GRIA4: variants seen among roughly 807,000 people sequenced by gnomAD.
GRIA4 encodes the protein glutamate ionotropic receptor AMPA type subunit 4.
In GRIA4, 34 loss-of-function variants were observed where a neutral mutation model predicts 104.0. The ratio of observed to expected loss-of-function variants is 0.33; its 90% CI spans 0.25 to 0.44. The LOEUF (loss-of-function observed/expected upper bound fraction) is 0.44. Ranked by LOEUF, GRIA4 falls within the 20% of genes least tolerant of loss-of-function variation. The pLI is 1.00. For synonymous variants in GRIA4, 386 were observed against 381.9 expected (o/e 1.01, Z -0.13); for missense variants, 750 against 1,096.5 (o/e 0.68, Z 4.46).
At chr11:105,862,945 T>C (rs1945280360) in intron 5 of GRIA4, among the ~76,000 whole-genome samples, 1 of 152,212 alleles carries the variant, frequency 6.6e-6, no homozygotes, top group Non-Finnish European at 1.5e-5. Flanking sequence ...AAAGGCTCTT[T>C]GGCCAAAATT....
chr11:105,723,299 A>C (rs1937958973), intron 3 of GRIA4, among the ~76,000 whole-genome samples: 1 of 152,174 alleles, frequency 6.6e-6, no homozygotes, highest in Non-Finnish European at 1.5e-5. Flanking sequence ...AATGGTCCAG[A>C]GATTGAGCAT....
At chr11:105,687,229 G>A (rs980463893) in intron 3 of GRIA4, among the ~76,000 whole-genome samples, 7 of 152,152 alleles carry the variant, frequency 4.6e-5, no homozygotes, top group African/African-American at 1.4e-4. Context: ...TAACACATGA[G>A]TTGCTCTCCT....
intron 4 of GRIA4, among the ~76,000 whole-genome samples, chr11:105,829,094 T>TATACACACACACACACACACAC (rs1555019401): frequency 6.6e-6 from 1 of 151,026 alleles, no homozygotes; most frequent in African/African-American, 2.4e-5. Context: ...CAGTGATGTA[T>TATACACACACACACACACACAC]ACACACACAC....
At chr11:105,641,239 T>C (rs1951350269) in intron 3 of GRIA4, among the ~76,000 whole-genome samples, 1 of 152,118 alleles carries the variant, frequency 6.6e-6, no homozygotes, top group Non-Finnish European at 1.5e-5. Flanking sequence ...TCTGAAATTA[T>C]CAACTATATT....
intron 14 of GRIA4, among the ~76,000 whole-genome samples, chr11:105,955,603 G>A (rs1948567707): frequency 6.6e-6 from 1 of 152,102 alleles, no homozygotes; most frequent in Non-Finnish European, 1.5e-5. Flanking sequence ...TGTCTTTATA[G>A]TAAAATGATT....
chr11:105,679,709 C>T (rs1163347738), intron 3 of GRIA4, among the ~76,000 whole-genome samples: 1 of 152,030 alleles, frequency 6.6e-6, no homozygotes, highest in Non-Finnish European at 1.5e-5. Flanking sequence ...AATATATATA[C>T]ACACACACGA....
At chr11:105,772,411 T>C (rs1941251173) in intron 4 of GRIA4, among the ~76,000 whole-genome samples, 1 of 152,148 alleles carries the variant, frequency 6.6e-6, no homozygotes, top group Non-Finnish European at 1.5e-5. Flanking sequence ...ACAGACAATG[T>C]AAGCTTACAG....
chr11:105,643,683 G>A (rs1951436054), intron 3 of GRIA4, among the ~76,000 whole-genome samples: 1 of 152,008 alleles, frequency 6.6e-6, no homozygotes, highest in Non-Finnish European at 1.5e-5. Flanking sequence ...CAATATTCCT[G>A]CCTCAGGTTT....
intron 4 of GRIA4, among the ~76,000 whole-genome samples, chr11:105,795,967 G>T (rs1942462671): frequency 1.3e-5 from 2 of 152,114 alleles, no homozygotes; most frequent in South Asian, 4.1e-4. Context: ...TTGGCTGAGA[G>T]TTCATGCAGG....
intron 3 of GRIA4, among the ~76,000 whole-genome samples, chr11:105,720,658 T>G (rs1242218059): frequency 6.6e-6 from 1 of 152,188 alleles, no homozygotes; most frequent in Non-Finnish European, 1.5e-5. Context: ...TAGACGTTTA[T>G]GTTATAAATT....
chr11:105,634,490 AAAGAAAGAAAGAAAGAAAGAAAG>A (rs1263027820), intron 3 of GRIA4, among the ~76,000 whole-genome samples: 8 of 66,826 alleles, frequency 1.2e-4, no homozygotes, highest in African/African-American at 3.1e-4. Context: ...AGAAAGAAAG[AAAGAAAGAAAGAAAGAAAGAAAG>A]AAGAAAGAAA....
chr11:105,855,300 C>G (rs1449802889), intron 4 of GRIA4, among the ~76,000 whole-genome samples: 1 of 152,122 alleles, frequency 6.6e-6, no homozygotes, highest in Non-Finnish European at 1.5e-5. Flanking sequence ...AAAATTATGT[C>G]TTACATACCT....
At chr11:105,895,950 T>C (rs898811352) in intron 6 of GRIA4, among the ~76,000 whole-genome samples, 3 of 152,264 alleles carry the variant, frequency 2.0e-5, no homozygotes, top group African/African-American at 7.2e-5. Flanking sequence ...AGTGGTGGGA[T>C]TACTAGGTCA....
intron 13 of GRIA4, among the ~76,000 whole-genome samples, chr11:105,929,614 G>A (rs1947816511): frequency 6.6e-6 from 1 of 152,080 alleles, no homozygotes; most frequent in Non-Finnish European, 1.5e-5. Context: ...AGTCATCAGT[G>A]AAACTGTGAA....
At chr11:105,930,358 C>T (rs1265512070) in intron 13 of GRIA4, among the ~76,000 whole-genome samples, 1 of 151,992 alleles carries the variant, frequency 6.6e-6, no homozygotes, top group African/African-American at 2.4e-5. Flanking sequence ...TTTTCAAAAA[C>T]TTGCTTTTAT....
chr11:105,903,807 T>C lies in GRIA4; in HGVS notation c.886-7T>C, dbSNP rs61751525. The C allele has an allele frequency of 0.073, 116,181 of 1,587,526 alleles. 4,817 individuals are homozygous for C. The highest frequency in any genetic ancestry group is 0.081 in the Non-Finnish European group (93,893 of 1,157,436). On this transcript the variant is annotated splice_region_variant and splice_polypyrimidine_tract_variant and intron_variant, in intron 7 of 16. Coordinates refer to ENST00000282499, the MANE Select transcript of GRIA4 (RefSeq NM_000829.4). ...ATTTACCATTATGTTCATTTTCATT[T>C]GGTTAGTACACCTCTGCTCTGACTT... is the stretch of plus-strand genomic sequence containing the variant.
At chr11:105,659,604 T>C (rs1951947324) in intron 3 of GRIA4, among the ~76,000 whole-genome samples, 1 of 151,906 alleles carries the variant, frequency 6.6e-6, no homozygotes, top group Non-Finnish European at 1.5e-5. Flanking sequence ...AGATGGTCCA[T>C]ACTGTGTAAG....
At chr11:105,741,333 T>C (rs1003815626) in intron 3 of GRIA4, among the ~76,000 whole-genome samples, 4 of 152,082 alleles carry the variant, frequency 2.6e-5, no homozygotes, top group African/African-American at 9.7e-5. Context: ...AAGGAAACTG[T>C]TGATATTTGA....
At chr11:105,948,008 C>T (rs1289492569) in intron 14 of GRIA4, among the ~76,000 whole-genome samples, 1 of 152,138 alleles carries the variant, frequency 6.6e-6, no homozygotes, top group Admixed American at 6.5e-5. Context: ...AACAGAAAAG[C>T]TACAAATTCT....
Sources: allele counts gnomAD v4.1 joint callset (sites outside exome capture counted in the v4.1 genomes callset), GRCh38; gene constraint gnomAD v4.1.1; transcripts MANE v1.5; gene names NCBI Gene and HGNC (gene_info 2026-07-23, HGNC 2026-07-21).